TSPAN11: variants seen among roughly 807,000 people sequenced by gnomAD.
TSPAN11 encodes the protein tetraspanin 11.
Under a neutral mutation model 32.9 loss-of-function variants are expected in TSPAN11, and 29 were observed. The observed-to-expected ratio is 0.88, with a 90% CI of 0.66 to 1.20. The LOEUF (loss-of-function observed/expected upper bound fraction) is 1.20, where lower values mean the gene tolerates loss of function less well. Among genes scored for constraint, TSPAN11 ranks in the 50% most tolerant of loss-of-function variants. The pLI is 0.00. For missense variants in TSPAN11, 283 were observed against 329.1 expected, an observed-to-expected ratio of 0.86 and a Z score of 1.08; for synonymous variants, 140 against 141.3, an observed-to-expected ratio of 0.99 and a Z score of 0.07.
rs58500177 is a variant in TSPAN11, at chr12:30,931,879, C to CAAAAAA, written c.-12+5098_-12+5103dup. Among the ~76,000 whole-genome samples, 274 of 60,802 alleles carry CAAAAAA rather than the reference C, an allele frequency of 4.5e-3. 18 individuals carry two copies. The highest frequency in any genetic ancestry group is 0.011 in the African/African-American group (179 of 15,966). The allele number at this position is 60,802 out of a possible 152,430, so 39.9% of individuals were successfully genotyped here. A position where few individuals can be genotyped will look rare whatever the true frequency, so the allele number is the denominator to read the frequency against. The stretch of plus-strand genomic sequence containing the variant: ...TGGGCGACAGAGTGAGACGCTGTAT[C>CAAAAAA]AAAAAAAAAAAAAAAAAAAAGAGTC... On this transcript the variant is annotated intron_variant, in intron 1 of 7. Coordinates refer to ENST00000546076, the MANE Select transcript of TSPAN11 (RefSeq NM_001370302.1).
chr12:31,012,124 A>G, the TSPAN11 span, among the ~76,000 whole-genome samples: 1 of 152,246 alleles, frequency 6.6e-6, no homozygotes, highest in Non-Finnish European at 1.5e-5. Context: ...CTGATGGCCC[A>G]AGGCTGACTG....
At position 30,992,384 on chromosome 12, in the gene TSPAN11, G is replaced by A; in HGVS notation, c.*469G>A. The stretch of plus-strand genomic sequence containing the variant: ...AAAAGCATGGGGTGGGGCAGGGAGG[G>A]CTGGCATTTCCCCCAGAAGACCTTG... On this transcript the variant is annotated 3_prime_UTR_variant, in exon 8 of 8. Transcript: ENST00000546076. The A allele has an allele frequency of 5.0e-6, 1 of 199,792 alleles. No homozygotes were observed. The highest frequency in any genetic ancestry group is 1.0e-4 in the South Asian group (1 of 9,692). The allele number at this position is 199,792 out of a possible 1,614,324, so 12.4% of individuals were successfully genotyped here.
At chr12:30,977,891 GC>G (rs1939008391) in intron 3 of TSPAN11, among the ~76,000 whole-genome samples, 1 of 152,184 alleles carries the variant, frequency 6.6e-6, no homozygotes, top group Admixed American at 6.5e-5. Flanking sequence ...GGGCATCAGG[GC>G]TGAAAGACAA....
chr12:30,954,853 TG>T (rs1344167093), intron 2 of TSPAN11: 6 of 152,174 alleles, frequency 3.9e-5, no homozygotes, highest in Admixed American at 3.9e-4. Context: ...ATTTCTAGCC[TG>T]TTGGGGTTGC....
At chr12:30,935,384 T>A (rs1009538919) in intron 1 of TSPAN11, among the ~76,000 whole-genome samples, 1 of 148,118 alleles carries the variant, frequency 6.8e-6, no homozygotes, top group Non-Finnish European at 1.5e-5. Context: ...TTTTTTTTTT[T>A]TTTTTTTTTT....
chr12:31,007,310 CG>C, the TSPAN11 span, among the ~76,000 whole-genome samples: 46 of 152,168 alleles, frequency 3.0e-4, no homozygotes, highest in Non-Finnish European at 6.3e-4. Context: ...GACCACAGCC[CG>C]GGTACAGGGC....
intron 7 of TSPAN11, among the ~76,000 whole-genome samples, chr12:30,987,390 T>C (rs968831222): frequency 6.6e-6 from 1 of 152,136 alleles, no homozygotes; most frequent in Non-Finnish European, 1.5e-5. Flanking sequence ...AGGTGGATCA[T>C]GAACTTAAGA....
At chr12:30,941,626 G>A (rs1012718) in intron 1 of TSPAN11, among the ~76,000 whole-genome samples, 1 of 152,164 alleles carries the variant, frequency 6.6e-6, no homozygotes, top group Non-Finnish European at 1.5e-5. Context: ...TAGTGTTTGG[G>A]GGCCTATTGA....
chr12:30,930,199 C>A (rs1452227658), intron 1 of TSPAN11, among the ~76,000 whole-genome samples: 2 of 152,138 alleles, frequency 1.3e-5, no homozygotes, highest in African/African-American at 4.8e-5. Flanking sequence ...GGGAAGGGGG[C>A]AGCAAATATA....
At chr12:31,008,239 CA>C in the TSPAN11 span, among the ~76,000 whole-genome samples, 1 of 151,766 alleles carries the variant, frequency 6.6e-6, no homozygotes, top group Non-Finnish European at 1.5e-5. Context: ...ACAAGTAAAA[CA>C]GGCCTTTAAA....
chr12:30,966,495 TTCTG>T (rs1341160379), intron 3 of TSPAN11, among the ~76,000 whole-genome samples: 1 of 152,252 alleles, frequency 6.6e-6, no homozygotes, highest in African/African-American at 2.4e-5. Flanking sequence ...CACCACACTC[TTCTG>T]CAACCCAAGA....
In TSPAN11 at chr12:30,993,322, CA is replaced by C. The variant is rs1452658728; in HGVS notation, c.*1408del. The C allele has an allele frequency of 1.3e-5, 2 of 152,338 alleles. No individual in the cohort carries two copies. The highest frequency in any genetic ancestry group is 2.9e-5 in the Non-Finnish European group (2 of 68,142). The allele number at this position is 152,338 out of a possible 1,614,324, so 9.4% of individuals were successfully genotyped here. Reference sequence around the variant, plus strand: ...GATCCAGATTGCACTGTGATGAGCACATTGCTGACCTAGGCCAGTCCTGGGG... The same window carrying C: ...GATCCAGATTGCACTGTGATGAGCACTTGCTGACCTAGGCCAGTCCTGGGG... On this transcript the variant is annotated 3_prime_UTR_variant, in exon 8 of 8. Coordinates refer to ENST00000546076, the MANE Select transcript of TSPAN11 (RefSeq NM_001370302.1).
At chr12:30,958,530 G>T (rs1281428102) in intron 2 of TSPAN11, among the ~76,000 whole-genome samples, 1 of 152,142 alleles carries the variant, frequency 6.6e-6, no homozygotes, top group Admixed American at 6.5e-5. Flanking sequence ...TGGGTATAGG[G>T]CTCAGCTGTG....
intron 1 of TSPAN11, among the ~76,000 whole-genome samples, chr12:30,941,946 G>A (rs1002333073): frequency 6.6e-6 from 1 of 152,204 alleles, no homozygotes; most frequent in Admixed American, 6.5e-5. Flanking sequence ...TTTCCTGTCT[G>A]AGCCAGTTTG....
Position 30,983,175 on chromosome 12 carries a change from G to A in TSPAN11, c.702+25G>A, listed in dbSNP as rs760019694. 8.2e-6 allele frequency: 13 copies of A among 1,594,462 alleles called. No individual in the cohort carries two copies. The South Asian group carries it at 1.0e-4, about 13-fold the overall frequency. On this transcript the variant is annotated intron_variant, in intron 7 of 7. Coordinates refer to ENST00000546076, the MANE Select transcript of TSPAN11 (RefSeq NM_001370302.1). ...GGTGAGTTGCAGTGCGGGGACTGGT[G>A]GGGGTGGAAGGGCTCTGAACCCCTC...
chr12:30,988,210 C>T (rs148372294), intron 7 of TSPAN11, among the ~76,000 whole-genome samples: 1 of 152,208 alleles, frequency 6.6e-6, no homozygotes, highest in Non-Finnish European at 1.5e-5. Context: ...AGGTACCACC[C>T]GATCAGACTC....
chr12:30,960,151 C>G (rs987891533), intron 2 of TSPAN11, among the ~76,000 whole-genome samples: 2 of 151,310 alleles, frequency 1.3e-5, no homozygotes, highest in African/African-American at 2.4e-5. Context: ...GGTGATGGCG[C>G]GGCGCCATGT....
intron 1 of TSPAN11, among the ~76,000 whole-genome samples, chr12:30,931,878 T>TAAAAAAAAA (rs1937938498): frequency 5.7e-4 from 7 of 12,308 alleles, no homozygotes; most frequent in East Asian, 0.012. Context: ...AGACGCTGTA[T>TAAAAAAAAA]CAAAAAAAAA....
chr12:31,008,330 C>T, the TSPAN11 span, among the ~76,000 whole-genome samples: 1 of 152,208 alleles, frequency 6.6e-6, no homozygotes, highest in Non-Finnish European at 1.5e-5. Context: ...GAAACATGTC[C>T]ACAGTCACAG....
Sources: gnomAD v4.1 joint callset for allele counts (sites outside exome capture counted in the v4.1 genomes callset) on GRCh38, gnomAD v4.1.1 for gene constraint, MANE v1.5 for transcripts, NCBI Gene and HGNC (gene_info 2026-07-23, HGNC 2026-07-21) for gene names.